RPS6KC1: variants seen among roughly 807,000 people sequenced by gnomAD.
The protein encoded by RPS6KC1 is ribosomal protein S6 kinase C1.
RPS6KC1 carries 54 observed loss-of-function variants against 103.8 expected under a neutral mutation model. The ratio of observed to expected loss-of-function variants is 0.52; its 90% CI spans 0.42 to 0.65. The LOEUF is 0.65. Ranked by LOEUF, RPS6KC1 falls within the 30% of genes least tolerant of loss-of-function variation. The pLI, the probability that RPS6KC1 is intolerant of heterozygous loss-of-function variation, is 0.00. For missense variants in RPS6KC1, 1,151 were observed against 1,253.8 expected (o/e 0.92, Z 1.24); for synonymous variants, 439 against 438.7 (o/e 1.00, Z -0.01).
chr1:213,674,356 C>T, the RPS6KC1 span, among the ~76,000 whole-genome samples: 2 of 152,276 alleles, frequency 1.3e-5, no homozygotes, highest in South Asian at 2.1e-4. Context: ...CAATGTTTAG[C>T]TCCCACTTTT....
chr1:213,151,072 G>A, intron 6 of RPS6KC1, among the ~76,000 whole-genome samples: 1 of 144,854 alleles, frequency 6.9e-6, no homozygotes, highest in African/African-American at 2.6e-5. Flanking sequence ...GGGCGGCCGG[G>A]CAGAGGCGCC....
the RPS6KC1 span, among the ~76,000 whole-genome samples, chr1:213,856,616 G>T: frequency 6.6e-6 from 1 of 151,560 alleles, no homozygotes; most frequent in African/African-American, 2.4e-5. Flanking sequence ...TATAAACTAC[G>T]TTTTTTGCAT....
chr1:213,518,237 G>A, the RPS6KC1 span, among the ~76,000 whole-genome samples: 6 of 152,276 alleles, frequency 3.9e-5, no homozygotes, highest in South Asian at 4.1e-4. Flanking sequence ...TCCCCAGAAC[G>A]TGTGACTATG....
intron 8 of RPS6KC1, among the ~76,000 whole-genome samples, chr1:213,207,542 G>A (rs1418681490): frequency 6.6e-6 from 1 of 152,084 alleles, no homozygotes; most frequent in Non-Finnish European, 1.5e-5. Context: ...CCACTCTGGA[G>A]CTCCAAGCCC....
the RPS6KC1 span, among the ~76,000 whole-genome samples, chr1:213,718,769 T>C: frequency 6.6e-6 from 1 of 152,172 alleles, no homozygotes; most frequent in African/African-American, 2.4e-5. Flanking sequence ...AGGAGGTGCT[T>C]CTCTGATTTG....
chr1:213,589,305 G>C, the RPS6KC1 span, among the ~76,000 whole-genome samples: 1 of 152,118 alleles, frequency 6.6e-6, no homozygotes. Context: ...GTCAGTCAAG[G>C]ACTCTTCTCC....
chr1:213,356,275 A>G, the RPS6KC1 span, among the ~76,000 whole-genome samples: 1 of 152,230 alleles, frequency 6.6e-6, no homozygotes, highest in Admixed American at 6.5e-5. Flanking sequence ...TATCTTGTTA[A>G]CATGGACTGA....
chr1:213,376,511 A>G, the RPS6KC1 span, among the ~76,000 whole-genome samples: 1 of 151,896 alleles, frequency 6.6e-6, no homozygotes, highest in African/African-American at 2.4e-5. Flanking sequence ...AATTAGGTAC[A>G]TTATTGAGAA....
chr1:213,589,938 G>GGTGTGTGTGTGTGTGTGT, the RPS6KC1 span, among the ~76,000 whole-genome samples: 1 of 132,732 alleles, frequency 7.5e-6, no homozygotes, highest in East Asian at 2.2e-4. Flanking sequence ...AAAAGGTAGT[G>GGTGTGTGTGTGTGTGTGT]GTGTGTGTGT....
chr1:213,683,545 G>A, the RPS6KC1 span, among the ~76,000 whole-genome samples: 2 of 152,076 alleles, frequency 1.3e-5, no homozygotes, highest in Non-Finnish European at 2.9e-5. Context: ...CTCATGGACC[G>A]AGAAAACTCT....
chr1:213,153,862 G>GT (rs201038609), intron 6 of RPS6KC1, among the ~76,000 whole-genome samples: 379 of 151,576 alleles, frequency 2.5e-3, no homozygotes, highest in African/African-American at 8.4e-3. Context: ...TAGGGTAAAT[G>GT]TTTTTTTTTA....
intron 8 of RPS6KC1, among the ~76,000 whole-genome samples, chr1:213,226,222 CAAA>C (rs11442353): frequency 1.6e-5 from 2 of 127,496 alleles, no homozygotes; most frequent in Non-Finnish European, 3.2e-5. Flanking sequence ...GACTCTGTCT[CAAA>C]AAAAAAAAAA....
At chr1:213,816,315 T>C in the RPS6KC1 span, among the ~76,000 whole-genome samples, 1 of 152,238 alleles carries the variant, frequency 6.6e-6, no homozygotes, top group East Asian at 1.9e-4. Context: ...ATCTTCAATT[T>C]GTAAAAACAT....
chr1:213,130,573 C>T (rs2085492377), intron 6 of RPS6KC1, among the ~76,000 whole-genome samples: 1 of 152,100 alleles, frequency 6.6e-6, no homozygotes, highest in African/African-American at 2.4e-5. Context: ...TCATCATTTT[C>T]ATTGTTCTGT....
intron 1 of RPS6KC1, among the ~76,000 whole-genome samples, chr1:213,068,585 G>C (rs371982177): frequency 2.6e-4 from 40 of 151,698 alleles, no homozygotes; most frequent in South Asian, 1.5e-3. Context: ...GAGGGGACAG[G>C]CTGGTATTTG....
chr1:213,453,156 C>T, the RPS6KC1 span, among the ~76,000 whole-genome samples: 1 of 152,190 alleles, frequency 6.6e-6, no homozygotes, highest in East Asian at 1.9e-4. Context: ...GGTATCTTGA[C>T]ACATTTCTAC....
chr1:213,684,531 T>A, the RPS6KC1 span, among the ~76,000 whole-genome samples: 12 of 152,210 alleles, frequency 7.9e-5, no homozygotes, highest in Non-Finnish European at 1.5e-4. Context: ...AGCATGTCCA[T>A]CCCTGTTAGG....
At chr1:213,670,140 G>C in the RPS6KC1 span, among the ~76,000 whole-genome samples, 5 of 152,228 alleles carry the variant, frequency 3.3e-5, no homozygotes, top group African/African-American at 1.2e-4. Context: ...TCCAGGGCAG[G>C]AGTGTGCAAA....
intron 6 of RPS6KC1, among the ~76,000 whole-genome samples, chr1:213,155,380 CAG>C (rs752610327): frequency 1.3e-5 from 2 of 152,190 alleles, no homozygotes; most frequent in African/African-American, 2.4e-5. Context: ...CTTGGAGACA[CAG>C]AGTGCTGTAG....
Sources: allele counts gnomAD v4.1 joint callset (sites outside exome capture counted in the v4.1 genomes callset), GRCh38; gene constraint gnomAD v4.1.1; transcripts MANE v1.5; gene names NCBI Gene and HGNC (gene_info 2026-07-23, HGNC 2026-07-21).